The following KCNK2 variants were observed in gnomAD, a reference collection of about 807,000 sequenced individuals.
KCNK2 encodes potassium two pore domain channel subfamily K member 2.
A neutral mutation model predicts 40.5 loss-of-function variants in KCNK2; 21 were observed. The observed-to-expected ratio is 0.52, with a 90% CI of 0.37 to 0.75. The LOEUF (loss-of-function observed/expected upper bound fraction) is 0.75. KCNK2 is among the 30% of genes least tolerant of loss of function. KCNK2 has a pLI of 0.00. For missense variants in KCNK2, 399 were observed against 531.6 expected (o/e 0.75, Z 2.45); for synonymous variants, 191 against 202.2 (o/e 0.94, Z 0.47).
At chr1:215,217,421 T>G (rs187165241) in intron 6 of KCNK2, among the ~76,000 whole-genome samples, 90 of 152,278 alleles carry the variant, frequency 5.9e-4, no homozygotes, top group African/African-American at 2.1e-3. Context: ...GAGCATGTGT[T>G]TAGATATACA....
At chr1:215,080,865 G>A (rs575534291), upstream of KCNK2, among the ~76,000 whole-genome samples, 3 of 152,264 alleles carry the variant, frequency 2.0e-5, no homozygotes, top group Admixed American at 6.5e-5. Flanking sequence ...AATCAAACAC[G>A]AATCTAAAAT....
At position 215,197,396 on chromosome 1, in the gene KCNK2, G is replaced by A. The variant is rs371283499; in HGVS notation, c.963+2304G>A. Among the ~76,000 whole-genome samples the A allele has an allele frequency of 1.1e-4, 17 of 152,196 alleles. 1 individual carries two copies. The South Asian group carries it at 3.5e-3, about 32-fold the overall frequency. On this transcript the variant is annotated intron_variant, in intron 6 of 6. Transcript: ENST00000444842. ...GGTGAGGCCTCTCTGCTAGGCTTGC[G>A]GGTGGTGCCTTCCCACTGTGTCTTC...
intron 6 of KCNK2, among the ~76,000 whole-genome samples, chr1:215,200,341 G>A (rs10159003): frequency 0.085 from 12,871 of 152,184 alleles, 870 homozygotes; most frequent in African/African-American, 0.19. Context: ...TTCACTCTGG[G>A]TGGCAATGAC....
At chr1:215,044,263 T>C (rs750958821) in intron 1 of KCNK2, among the ~76,000 whole-genome samples, 1 of 152,194 alleles carries the variant, frequency 6.6e-6, no homozygotes, top group Non-Finnish European at 1.5e-5. Context: ...TCAGAAGCAG[T>C]ATAAATATTA....
chr1:215,071,569 T>TA (rs1262025224), intron 1 of KCNK2, among the ~76,000 whole-genome samples: 1 of 152,214 alleles, frequency 6.6e-6, no homozygotes, highest in East Asian at 1.9e-4. Flanking sequence ...CAGCAGGTAA[T>TA]AAGCAAAAGC....
rs80025208 is a variant in KCNK2 at position 215,230,478 on chromosome 1, T to C, written c.964-4350T>C. ...TAGCTCATGGCTGTAGATATATATA[T>C]ACACACACACACACACACACACACG... On this transcript the variant is annotated intron_variant, in intron 6 of 6. Coordinates refer to ENST00000444842, the MANE Select transcript of KCNK2 (RefSeq NM_001017425.3). Among the ~76,000 whole-genome samples, 694 of 85,006 alleles carry C rather than the reference T, an allele frequency of 8.2e-3. 9 individuals are homozygous for C. The highest frequency in any genetic ancestry group is 0.059 in the South Asian group (188 of 3,170). The allele number at this position is 85,006 out of a possible 152,430, so 55.8% of individuals were successfully genotyped here. A position where few individuals can be genotyped will look rare whatever the true frequency, so the allele number is the denominator to read the frequency against.
intron 1 of KCNK2, among the ~76,000 whole-genome samples, chr1:215,019,572 A>C (rs531112731): frequency 1.8e-4 from 28 of 152,324 alleles, no homozygotes; most frequent in Admixed American, 7.8e-4. Context: ...CATTCTGTTC[A>C]TGAATATTGA....
intron 5 of KCNK2, among the ~76,000 whole-genome samples, chr1:215,194,406 C>T (rs956830507): frequency 6.6e-5 from 10 of 152,070 alleles, no homozygotes; most frequent in East Asian, 1.9e-4. Context: ...TGTTTTCATT[C>T]GAACCATCAA....
intron 6 of KCNK2, among the ~76,000 whole-genome samples, chr1:215,225,055 TA>T (rs1666333149): frequency 6.6e-6 from 1 of 152,140 alleles, no homozygotes; most frequent in African/African-American, 2.4e-5. Flanking sequence ...TAAAAGGGAA[TA>T]AAAATACTAC....
At chr1:215,049,505 C>T (rs781397661) in intron 1 of KCNK2, among the ~76,000 whole-genome samples, 56 of 152,064 alleles carry the variant, frequency 3.7e-4, no homozygotes, top group African/African-American at 6.5e-4. Context: ...TGATGAGGTC[C>T]GATTTATTAA....
chr1:215,125,716 A>G (rs1661391038), intron 3 of KCNK2, among the ~76,000 whole-genome samples: 1 of 146,568 alleles, frequency 6.8e-6, no homozygotes, highest in South Asian at 2.2e-4. Context: ...GTGCACATGT[A>G]CCCTAGAACT....
At chr1:215,013,433 A>G (rs1656477407) in intron 1 of KCNK2, among the ~76,000 whole-genome samples, 1 of 152,166 alleles carries the variant, frequency 6.6e-6, no homozygotes, top group African/African-American at 2.4e-5. Context: ...TTATCTTTCC[A>G]CACAAATTTT....
At chr1:215,177,741 T>TA (rs1553270860) in intron 5 of KCNK2, among the ~76,000 whole-genome samples, 4,728 of 20,468 alleles carry the variant, frequency 0.23, 91 homozygotes, top group Non-Finnish European at 0.29. Flanking sequence ...TATATATATA[T>TA]TTTTTTTTTT....
intron 5 of KCNK2, among the ~76,000 whole-genome samples, chr1:215,192,022 G>A (rs1029692955): frequency 6.6e-6 from 1 of 152,128 alleles, no homozygotes; most frequent in African/African-American, 2.4e-5. Context: ...CCTCAACATA[G>A]CTAGACTGAA....
chr1:215,080,671 C>A (rs1051262285), upstream of KCNK2, among the ~76,000 whole-genome samples: 1 of 152,088 alleles, frequency 6.6e-6, no homozygotes, highest in African/African-American at 2.4e-5. Flanking sequence ...TTTAAAGAAG[C>A]AAAACATCAT....
intron 1 of KCNK2, among the ~76,000 whole-genome samples, chr1:215,067,922 T>G (rs547356298): frequency 3.3e-4 from 50 of 152,270 alleles, no homozygotes; most frequent in Non-Finnish European, 5.6e-4. Flanking sequence ...CAAAATATTG[T>G]TAGTGAGAGA....
intron 1 of KCNK2, among the ~76,000 whole-genome samples, chr1:215,075,510 C>G (rs1329398639): frequency 6.6e-6 from 1 of 152,158 alleles, no homozygotes; most frequent in Non-Finnish European, 1.5e-5. Flanking sequence ...TTTGTTGCAT[C>G]TTTTTGACCA....
At chr1:215,225,286 G>T (rs908275908) in intron 6 of KCNK2, among the ~76,000 whole-genome samples, 4 of 152,024 alleles carry the variant, frequency 2.6e-5, no homozygotes, top group Non-Finnish European at 5.9e-5. Flanking sequence ...TAAGAAAAAT[G>T]GTTTCTGTAG....
chr1:215,204,037 C>CAAAAAAAA lies in KCNK2; in HGVS notation c.963+8965_963+8972dup, dbSNP rs71167813. 1.5e-4 allele frequency among the ~76,000 whole-genome samples: 8 copies of CAAAAAAAA among 53,184 alleles called. 1 individual carries two copies. The highest frequency in any genetic ancestry group is 7.6e-4 in the African/African-American group (7 of 9,244). 34.9% of individuals were successfully genotyped at this position (53,184 alleles called of 152,430 possible). On this transcript the variant is annotated intron_variant, in intron 6 of 6. Transcript: ENST00000444842. Reference sequence around the variant, plus strand: ...TGGGCGATAGAGCGAGACTCCGTCTCAAAAAAAAAAAAAAAAAAAAAAAAA... The same window carrying CAAAAAAAA: ...TGGGCGATAGAGCGAGACTCCGTCTCAAAAAAAAAAAAAAAAAAAAAAAAAAAAAAAAA...
Sources: allele counts gnomAD v4.1 joint callset (sites outside exome capture counted in the v4.1 genomes callset), GRCh38; gene constraint gnomAD v4.1.1; transcripts MANE v1.5; gene names NCBI Gene and HGNC (gene_info 2026-07-23, HGNC 2026-07-21).